The following NUSAP1 variants were observed in gnomAD, a reference collection of about 807,000 sequenced individuals.
NUSAP1 encodes nucleolar and spindle associated protein 1.
NUSAP1 carries 32 observed loss-of-function variants against 52.8 expected under a neutral mutation model. The observed-to-expected ratio is 0.61, with a 90% CI of 0.46 to 0.81. NUSAP1 has a LOEUF of 0.81. Ranked by LOEUF, NUSAP1 falls within the 40% of genes least tolerant of loss-of-function variation. The pLI is 0.00. For missense variants in NUSAP1, 499 were observed against 522.3 expected (o/e 0.96, Z 0.43); for synonymous variants, 195 against 183.1 (o/e 1.06, Z -0.52).
intron 3 of NUSAP1, among the ~76,000 whole-genome samples, chr15:41,350,496 G>C (rs1023065274): frequency 6.6e-6 from 1 of 151,960 alleles, no homozygotes; most frequent in African/African-American, 2.4e-5. Flanking sequence ...AGGGGTCGGG[G>C]GGAGGGTGGT....
chr15:41,349,349 T>C, intron 3 of NUSAP1, 108 bp downstream of exon 3: 3 of 1,128,290 alleles, frequency 2.7e-6, no homozygotes, highest in Middle Eastern at 2.1e-4. Flanking sequence ...TTTGTAAGGT[T>C]ACTGTGTGCT....
intron 8 of NUSAP1, 33 bp from the exon 9 acceptor site, chr15:41,375,679 T>C: frequency 7.5e-7 from 1 of 1,327,396 alleles, no homozygotes; most frequent in Non-Finnish European, 1.1e-6. Flanking sequence ...TTGTTTCTAA[T>C]TAAGCTCTTG....
Position 41,347,045 on chromosome 15 carries a change from A to G in NUSAP1, c.163-2053A>G, listed in dbSNP as rs537410354. On this transcript the variant is annotated intron_variant, in intron 2 of 10. Transcript: ENST00000559596. Reference sequence around the variant, plus strand: ...AAATTAGCTGGGCATGGTGGCATGTACCTGTAATCCCAGCTAGTCATAAGG... The same window carrying G: ...AAATTAGCTGGGCATGGTGGCATGTGCCTGTAATCCCAGCTAGTCATAAGG... Among the ~76,000 whole-genome samples the G allele has an allele frequency of 3.3e-5, 5 of 151,884 alleles. No homozygotes were observed. The South Asian group carries it at 1.0e-3, about 32-fold the overall frequency.
chr15:41,339,421 T>C (rs2048294023), intron 1 of NUSAP1, among the ~76,000 whole-genome samples: 1 of 151,800 alleles, frequency 6.6e-6, no homozygotes, highest in Non-Finnish European at 1.5e-5. Flanking sequence ...CTTTTTTTTT[T>C]TTTTTTGAGA....
Position 41,377,245 on chromosome 15 carries a change from A to C in NUSAP1, c.1173A>C (p.Gln391His). ...GQSKENNYLN[Q>H]HVNRINFYKK... ...CTAAAGAAAATAATTATCTAAATCA[A>C]CATGTCAACAGAATTAACTTCTACA... Residue 391 changes from glutamine (Q) to histidine (H), a missense_variant, in exon 10 of 11, where the codon CAA (glutamine) becomes CAC (histidine). Coordinates refer to ENST00000559596, the MANE Select transcript of NUSAP1 (RefSeq NM_016359.5). The C allele has an allele frequency of 6.5e-7, 1 of 1,542,876 alleles. No individual in the cohort carries two copies. The highest frequency in any genetic ancestry group is 8.8e-7 in the Non-Finnish European group (1 of 1,141,740).
intron 2 of NUSAP1, among the ~76,000 whole-genome samples, chr15:41,347,390 G>T (rs143852480): frequency 1.3e-5 from 2 of 152,208 alleles, no homozygotes; most frequent in African/African-American, 2.4e-5. Context: ...TCAGACAAAG[G>T]CTCCTGCCTT....
chr15:41,375,332 C>T (rs2049881581), intron 8 of NUSAP1, among the ~76,000 whole-genome samples: 1 of 152,086 alleles, frequency 6.6e-6, no homozygotes, highest in African/African-American at 2.4e-5. Flanking sequence ...CATGTGCCAC[C>T]ACCCTGGCTA....
At position 41,380,163 on chromosome 15, in the gene NUSAP1, G is replaced by A; in HGVS notation, c.1303G>A (p.Gly435Ser). The change falls in exon 11 of 11, where the codon GGC (glycine) becomes AGC (serine). Residue 435 changes from glycine to serine, a missense_variant. Physicochemically the swap from Gly to Ser is moderately conservative, Grantham distance 56 (BLOSUM62 0). Transcript: ENST00000559596. ...AGCAAAGGTTTTGGGAATGCGAAGGGGCCTCATTTTGGCTGAAGATTAATA... is the reference window on the plus strand; with the variant it reads ...AGCAAAGGTTTTGGGAATGCGAAGGAGCCTCATTTTGGCTGAAGATTAATA... ...KKAKVLGMRR[G>S]LILAED is the part of the protein sequence containing the mutation. 1 of 1,582,360 alleles carries A rather than the reference G, an allele frequency of 6.3e-7. No homozygotes were observed. The highest frequency in any genetic ancestry group is 8.6e-7 in the Non-Finnish European group (1 of 1,164,088).
rs1199875047 is a variant in NUSAP1 at position 41,332,896 on chromosome 15, T to A, written c.-62T>A. The A allele has an allele frequency of 3.0e-6, 4 of 1,348,150 alleles. No homozygotes were observed. The highest frequency in any genetic ancestry group is 2.5e-5 in the South Asian group (2 of 80,772). 83.5% of individuals were successfully genotyped at this position (1,348,150 alleles called of 1,614,324 possible). A position where few individuals can be genotyped will look rare whatever the true frequency, so the allele number is the denominator to read the frequency against. On this transcript the variant is annotated 5_prime_UTR_variant, in exon 1 of 11. Coordinates refer to ENST00000559596, the MANE Select transcript of NUSAP1 (RefSeq NM_016359.5). ...AAAGTTAAGAGTGGCGCCAGGGATT[T>A]GAACCGCGCTGACGAAGTTTGGTGA...
Position 41,380,318 on chromosome 15 carries a change from T to G in NUSAP1, c.*132T>G, listed in dbSNP as rs558625913. The G allele has an allele frequency of 8.3e-6, 5 of 603,586 alleles. No homozygotes were observed. In the Admixed American group the frequency reaches 1.5e-4, roughly 18 times the overall value. 37.4% of individuals were successfully genotyped at this position (603,586 alleles called of 1,614,324 possible). On this transcript the variant is annotated 3_prime_UTR_variant, in exon 11 of 11. Coordinates refer to ENST00000559596, the MANE Select transcript of NUSAP1 (RefSeq NM_016359.5). ...CTAACTGTTCATAGTCTGTGTAGTG[T>G]CCATGGGTTCTTCATGTGCTATGAT... is the stretch of plus-strand genomic sequence containing the variant.
intron 10 of NUSAP1, among the ~76,000 whole-genome samples, chr15:41,377,929 A>G (rs1017841518): frequency 6.6e-6 from 1 of 150,744 alleles, no homozygotes; most frequent in East Asian, 2.0e-4. Context: ...GGCAGAGCTT[A>G]CAGTGAGCCG....
rs139156361 is a variant in NUSAP1 at position 41,356,811 on chromosome 15, T to A, written c.550+671T>A. 2.6e-5 allele frequency among the ~76,000 whole-genome samples: 4 copies of A among 152,068 alleles called. No individual in the cohort carries two copies. The East Asian group carries it at 7.7e-4, about 29-fold the overall frequency. ...GGTACAATATCCACCTTCTAATGAGTTTTTCATAAGTCTAAATGATTCCGT... is the reference window on the plus strand; with the variant it reads ...GGTACAATATCCACCTTCTAATGAGATTTTCATAAGTCTAAATGATTCCGT... On this transcript the variant is annotated intron_variant, in intron 5 of 10. Coordinates refer to ENST00000559596, the MANE Select transcript of NUSAP1 (RefSeq NM_016359.5).
intron 7 of NUSAP1, among the ~76,000 whole-genome samples, chr15:41,369,928 C>T (rs1188832166): frequency 6.6e-6 from 1 of 151,258 alleles, no homozygotes; most frequent in Admixed American, 6.6e-5. Context: ...ATTAGCCAGG[C>T]ATGGTGGCAG....
chr15:41,340,765 C>T (rs2140531121), intron 1 of NUSAP1, among the ~76,000 whole-genome samples: 1 of 152,288 alleles, frequency 6.6e-6, no homozygotes, highest in Non-Finnish European at 1.5e-5. Flanking sequence ...GTTCAAGGAA[C>T]AAGTAGAAAA....
At chr15:41,363,542 T>C (rs1001978298) in intron 6 of NUSAP1, among the ~76,000 whole-genome samples, 1 of 151,912 alleles carries the variant, frequency 6.6e-6, no homozygotes, top group African/African-American at 2.4e-5. Flanking sequence ...ACCCAGCTAT[T>C]TTTCAGTTTT....
intron 6 of NUSAP1, among the ~76,000 whole-genome samples, chr15:41,358,503 A>G (rs1376990300): frequency 6.6e-6 from 1 of 152,182 alleles, no homozygotes; most frequent in Non-Finnish European, 1.5e-5. Context: ...TTGGGAGGCC[A>G]AGGCAAGTGG....
intron 6 of NUSAP1, among the ~76,000 whole-genome samples, chr15:41,361,168 C>A (rs1012035000): frequency 6.6e-6 from 1 of 151,136 alleles, no homozygotes; most frequent in Non-Finnish European, 1.5e-5. Flanking sequence ...CTGAGGCAGG[C>A]GGATCACCTG....
At chr15:41,350,288 ACATAAT>A (rs1266946642) in intron 3 of NUSAP1, among the ~76,000 whole-genome samples, 1 of 152,202 alleles carries the variant, frequency 6.6e-6, no homozygotes, top group Admixed American at 6.6e-5. Context: ...GTAACAGGTT[ACATAAT>A]CTATAGCGTA....
intron 8 of NUSAP1, 39 bp from the exon 9 acceptor site, chr15:41,375,673 T>A: frequency 7.9e-7 from 1 of 1,269,394 alleles, no homozygotes; most frequent in Non-Finnish European, 1.2e-6. Context: ...AGGTCTTTGT[T>A]TCTAATTAAG....
Sources: gnomAD v4.1 joint callset for allele counts (sites outside exome capture counted in the v4.1 genomes callset) on GRCh38, gnomAD v4.1.1 for gene constraint, MANE v1.5 for transcripts, NCBI Gene and HGNC (gene_info 2026-07-23, HGNC 2026-07-21) for gene names.